FAM107B: variants seen among roughly 807,000 people sequenced by gnomAD.
FAM107B encodes family with sequence similarity 107 member B, also known as protein FAM107B.
Under a neutral mutation model 31.5 loss-of-function variants are expected in FAM107B, and 21 were observed. The observed-to-expected ratio is 0.67, with a 90% confidence interval of 0.47 to 0.96. The LOEUF is 0.96. FAM107B is among the 40% of genes least tolerant of loss of function. The pLI is 0.00. For synonymous variants in FAM107B, 157 were observed against 141.5 expected (o/e 1.11, Z -0.78); for missense variants, 452 against 377.1 (o/e 1.20, Z -1.64).
chr10:14,587,989 A>C (rs1473554120), intron 2 of FAM107B, among the ~76,000 whole-genome samples: 1 of 152,212 alleles, frequency 6.6e-6, no homozygotes, highest in East Asian at 1.9e-4. Flanking sequence ...AAATGGTGGG[A>C]TGTATATTTA....
chr10:14,604,443 G>A (rs1481363181), intron 2 of FAM107B: 1 of 160,320 alleles, frequency 6.2e-6, no homozygotes, highest in Non-Finnish European at 1.3e-5. Context: ...CGGCGGGGCG[G>A]GGAGGGGCGG....
intron 2 of FAM107B, among the ~76,000 whole-genome samples, chr10:14,553,033 A>G (rs1320743354): frequency 6.6e-6 from 1 of 152,234 alleles, no homozygotes; most frequent in East Asian, 1.9e-4. Flanking sequence ...AGCTTGCTCT[A>G]TACCACCTGT....
chr10:14,638,938 C>T (rs1167789782), intron 2 of FAM107B, among the ~76,000 whole-genome samples: 2 of 152,146 alleles, frequency 1.3e-5, no homozygotes, highest in Non-Finnish European at 2.9e-5. Flanking sequence ...CACCTGTAAT[C>T]TCAACACTTT....
chr10:14,591,858 TAA>T (rs1019796842), intron 2 of FAM107B, among the ~76,000 whole-genome samples: 1 of 151,490 alleles, frequency 6.6e-6, no homozygotes, highest in African/African-American at 2.4e-5. Flanking sequence ...GGGATGAGTT[TAA>T]AAGAAACCCA....
At chr10:14,633,654 G>A (rs970627513) in intron 2 of FAM107B, among the ~76,000 whole-genome samples, 4 of 152,092 alleles carry the variant, frequency 2.6e-5, no homozygotes, top group Non-Finnish European at 5.9e-5. Context: ...ATAATATTCA[G>A]TAGGGGTCTA....
chr10:14,543,296 A>T (rs1300963833), intron 2 of FAM107B, among the ~76,000 whole-genome samples: 1 of 152,166 alleles, frequency 6.6e-6, no homozygotes, highest in Non-Finnish European at 1.5e-5. Context: ...GAAAAAAAAC[A>T]CTTTTTTGAA....
At chr10:14,671,810 G>T (rs1249919131) in intron 1 of FAM107B, among the ~76,000 whole-genome samples, 1 of 147,328 alleles carries the variant, frequency 6.8e-6, no homozygotes, top group East Asian at 2.0e-4. Context: ...ATTCAGCCAC[G>T]CCTGAAGCAA....
intron 1 of FAM107B, among the ~76,000 whole-genome samples, chr10:14,722,126 CACT>C (rs1353953059): frequency 2.0e-5 from 3 of 152,278 alleles, no homozygotes; most frequent in East Asian, 1.9e-4. Context: ...GTGCAAACAT[CACT>C]ACTAATTCCA....
At chr10:14,532,923 G>T (rs537654281) in intron 2 of FAM107B, among the ~76,000 whole-genome samples, 3 of 152,170 alleles carry the variant, frequency 2.0e-5, no homozygotes, top group Non-Finnish European at 2.9e-5. Flanking sequence ...GATCAGCAGC[G>T]AGAAGAGCGC....
At chr10:14,735,338 T>C (rs926347230) in intron 1 of FAM107B, among the ~76,000 whole-genome samples, 9 of 152,158 alleles carry the variant, frequency 5.9e-5, no homozygotes, top group Admixed American at 2.6e-4. Context: ...GTGAATCTTA[T>C]GTGTGGCCCA....
At chr10:14,588,986 AG>A in intron 2 of FAM107B, among the ~76,000 whole-genome samples, 1 of 152,118 alleles carries the variant, frequency 6.6e-6, no homozygotes, top group Non-Finnish European at 1.5e-5. Context: ...GTTCGAGACC[AG>A]CCTGGTCAAC....
chr10:14,752,397 A>G (rs12269022), intron 1 of FAM107B, among the ~76,000 whole-genome samples: 1 of 152,112 alleles, frequency 6.6e-6, no homozygotes, highest in East Asian at 1.9e-4. Context: ...AGGTTTCCCT[A>G]TCCCATTCTA....
intron 2 of FAM107B, among the ~76,000 whole-genome samples, chr10:14,542,999 AT>A (rs1188160926): frequency 1.3e-5 from 2 of 152,232 alleles, no homozygotes; most frequent in African/African-American, 4.8e-5. Context: ...CAATTAATGG[AT>A]TTCTTTAATA....
At chr10:14,693,209 C>G (rs570914042) in intron 1 of FAM107B, among the ~76,000 whole-genome samples, 13 of 152,296 alleles carry the variant, frequency 8.5e-5, no homozygotes, top group Non-Finnish European at 1.5e-4. Context: ...GGCGCGGTGG[C>G]TCACGCCTGT....
chr10:14,582,375 C>CTTTTTTTTTTTTTTTTTTTTTTTTTTTT (rs71388188), intron 2 of FAM107B, among the ~76,000 whole-genome samples: 1 of 112,086 alleles, frequency 8.9e-6, no homozygotes, highest in Non-Finnish European at 1.7e-5. Flanking sequence ...TTTTTCTTTT[C>CTTTTTTTTTTTTTTTTTTTTTTTTTTTT]TTTTTTTTTT....
chr10:14,725,281 T>C (rs1036718657), intron 1 of FAM107B, among the ~76,000 whole-genome samples: 1 of 152,050 alleles, frequency 6.6e-6, no homozygotes, highest in Non-Finnish European at 1.5e-5. Context: ...GGTTGCCTTA[T>C]AGAGAATGGG....
chr10:14,706,923 G>A (rs1000097126), intron 1 of FAM107B, among the ~76,000 whole-genome samples: 7 of 152,104 alleles, frequency 4.6e-5, no homozygotes, highest in African/African-American at 1.7e-4. Context: ...TCAGGAGATC[G>A]AGACCACCCT....
At chr10:14,605,907 G>A (rs1852575960) in intron 2 of FAM107B, among the ~76,000 whole-genome samples, 1 of 152,140 alleles carries the variant, frequency 6.6e-6, no homozygotes, top group East Asian at 1.9e-4. Context: ...CTCCCCCTCT[G>A]CTGGCACCGC....
chr10:14,774,848 G>T lies in FAM107B; in HGVS notation c.-185C>A, dbSNP rs569654987. On this transcript the variant is annotated 5_prime_UTR_variant, in exon 1 of 5. Transcript: ENST00000181796. Reference sequence around the variant, plus strand: ...TCCCTGAGAGTCACTTAGCCGCTGGGGCCCCTTTGAAAGTGTCCATCCTGG... The same window carrying T: ...TCCCTGAGAGTCACTTAGCCGCTGGTGCCCCTTTGAAAGTGTCCATCCTGG... 2.1e-5 allele frequency: 14 copies of T among 656,142 alleles called. No individual in the cohort carries two copies. Among genetic ancestry groups the T allele is most frequent in the African/African-American group, 2.0e-4 (11 of 54,666 alleles). The allele number at this position is 656,142 out of a possible 1,614,324, so 40.6% of individuals were successfully genotyped here.
Sources: gnomAD v4.1 joint callset for allele counts (sites outside exome capture counted in the v4.1 genomes callset) on GRCh38, gnomAD v4.1.1 for gene constraint, MANE v1.5 for transcripts, NCBI Gene and HGNC (gene_info 2026-07-23, HGNC 2026-07-21) for gene names.